ADGRL3: variants seen among roughly 807,000 people sequenced by gnomAD.
The protein encoded by ADGRL3 is adhesion G protein-coupled receptor L3.
In ADGRL3, 62 loss-of-function variants were observed where a neutral mutation model predicts 153.5. That is an observed-to-expected ratio of 0.40 (90% CI 0.33 to 0.50). The LOEUF (loss-of-function observed/expected upper bound fraction) is 0.50, where lower values mean the gene tolerates loss of function less well. Ranked by LOEUF, ADGRL3 falls within the 20% of genes least tolerant of loss-of-function variation. The pLI, the probability that ADGRL3 is intolerant of heterozygous loss-of-function variation, is 0.47. For missense variants in ADGRL3, 1,641 were observed against 1,859.4 expected (o/e 0.88, Z 2.16); for synonymous variants, 710 against 672.5 (o/e 1.06, Z -0.86).
At chr4:61,269,834 C>G (rs534786358) in intron 1 of ADGRL3, among the ~76,000 whole-genome samples, 9 of 151,628 alleles carry the variant, frequency 5.9e-5, no homozygotes, top group Non-Finnish European at 1.3e-4. Flanking sequence ...CATTAAAATA[C>G]GTAATTCAGT....
At chr4:61,982,505 C>T (rs1039385961) in intron 18 of ADGRL3, among the ~76,000 whole-genome samples, 17 of 152,028 alleles carry the variant, frequency 1.1e-4, no homozygotes, top group Non-Finnish European at 2.1e-4. Context: ...CTGATAACTT[C>T]GGTAAGTTTG....
At chr4:61,531,670 A>G (rs185409132) in intron 4 of ADGRL3, among the ~76,000 whole-genome samples, 32 of 152,300 alleles carry the variant, frequency 2.1e-4, no homozygotes, top group Non-Finnish European at 3.4e-4. Flanking sequence ...TAGATAAAAT[A>G]TAAGAAGCAA....
At chr4:61,349,541 T>C (rs1243199387) in intron 1 of ADGRL3, among the ~76,000 whole-genome samples, 1 of 152,060 alleles carries the variant, frequency 6.6e-6, no homozygotes, top group African/African-American at 2.4e-5. Flanking sequence ...TTTAAAACAG[T>C]ATCCCTTTAT....
At chr4:61,466,609 G>C (rs1377505173) in intron 2 of ADGRL3, among the ~76,000 whole-genome samples, 1 of 152,164 alleles carries the variant, frequency 6.6e-6, no homozygotes, top group Non-Finnish European at 1.5e-5. Context: ...ATTGTAAGTT[G>C]TATGAGGTCA....
intron 8 of ADGRL3, among the ~76,000 whole-genome samples, chr4:61,740,904 A>C (rs1240698393): frequency 3.3e-5 from 5 of 152,188 alleles, no homozygotes; most frequent in Non-Finnish European, 1.5e-5. Context: ...AGATGGTAGA[A>C]TCTAAACCAA....
chr4:61,912,676 T>C, intron 12 of ADGRL3, 43 bp from the exon 13 acceptor site: 3 of 1,586,166 alleles, frequency 1.9e-6, no homozygotes, highest in Non-Finnish European at 2.6e-6. Flanking sequence ...CACTAACTTG[T>C]TTTTTCTATT....
chr4:61,813,771 G>T, intron 8 of ADGRL3, 38 bp from the exon 9 acceptor site: 1 of 1,603,542 alleles, frequency 6.2e-7, no homozygotes, highest in Non-Finnish European at 8.5e-7. Flanking sequence ...AAAGACATAC[G>T]TATGATGTCT....
intron 19 of ADGRL3, among the ~76,000 whole-genome samples, chr4:61,985,993 T>C (rs774471436): frequency 6.7e-6 from 1 of 149,514 alleles, no homozygotes; most frequent in Non-Finnish European, 1.5e-5. Flanking sequence ...ATAGGTTTGT[T>C]TTTTTTTTTA....
At chr4:61,884,307 CTA>C (rs1435178851) in intron 9 of ADGRL3, among the ~76,000 whole-genome samples, 1 of 152,140 alleles carries the variant, frequency 6.6e-6, no homozygotes, top group East Asian at 1.9e-4. Flanking sequence ...CTTGTGAATG[CTA>C]TGAGATTGGG....
At chr4:61,995,259 A>C (rs570431425) in intron 19 of ADGRL3, among the ~76,000 whole-genome samples, 1 of 151,580 alleles carries the variant, frequency 6.6e-6, no homozygotes, top group South Asian at 2.1e-4. Flanking sequence ...CCTCCTTTTT[A>C]ACTGTTTTAT....
At chr4:61,758,454 G>C (rs190633226) in intron 8 of ADGRL3, among the ~76,000 whole-genome samples, 78 of 152,136 alleles carry the variant, frequency 5.1e-4, no homozygotes, top group African/African-American at 1.7e-3. Context: ...TTTCTCTTTT[G>C]ATCTTTGTTG....
intron 13 of ADGRL3, among the ~76,000 whole-genome samples, chr4:61,926,257 C>T (rs931426221): frequency 1.3e-5 from 2 of 152,110 alleles, no homozygotes; most frequent in Non-Finnish European, 2.9e-5. Flanking sequence ...ATTCAGTGCA[C>T]GACTGTATAT....
At chr4:62,039,900 T>A (rs896033691) in intron 24 of ADGRL3, among the ~76,000 whole-genome samples, 12 of 152,292 alleles carry the variant, frequency 7.9e-5, no homozygotes, top group African/African-American at 2.9e-4. Flanking sequence ...TATTGACATA[T>A]GTCATTAATA....
chr4:61,250,934 G>A lies in ADGRL3; in HGVS notation c.-240+49169G>A, dbSNP rs564956452. On this transcript the variant is annotated intron_variant, in intron 1 of 26. Coordinates refer to ENST00000683033, the MANE Select transcript of ADGRL3 (RefSeq NM_001387552.1). ...ATGAAGCCTTAACAGTATATCTGGA[G>A]CAAGAGATCATTAAAATTATTTTAT... Among the ~76,000 whole-genome samples the A allele has an allele frequency of 3.6e-4, 55 of 152,230 alleles. No homozygotes were observed. The Middle Eastern group carries it at 0.014, about 38-fold the overall frequency.
chr4:61,374,022 GT>G (rs2096573263), intron 1 of ADGRL3, among the ~76,000 whole-genome samples: 1 of 152,094 alleles, frequency 6.6e-6, no homozygotes, highest in South Asian at 2.1e-4. Flanking sequence ...CATCAAGGGG[GT>G]TAACTTTTGC....
intron 9 of ADGRL3, among the ~76,000 whole-genome samples, chr4:61,814,743 T>C (rs1192004649): frequency 6.6e-6 from 1 of 152,182 alleles, no homozygotes; most frequent in Non-Finnish European, 1.5e-5. Context: ...TCTTGCCTAA[T>C]TGATAGGTTT....
At chr4:61,613,252 C>T (rs553265353) in intron 5 of ADGRL3, among the ~76,000 whole-genome samples, 2 of 152,236 alleles carry the variant, frequency 1.3e-5, no homozygotes, top group Admixed American at 1.3e-4. Flanking sequence ...GATCTAGGGA[C>T]TCTTTGAAGC....
At chr4:62,014,208 G>T (rs1364712094) in intron 21 of ADGRL3, among the ~76,000 whole-genome samples, 1 of 152,128 alleles carries the variant, frequency 6.6e-6, no homozygotes, top group Non-Finnish European at 1.5e-5. Context: ...ATGATCTGGT[G>T]ATGGCACTTC....
intron 4 of ADGRL3, among the ~76,000 whole-genome samples, chr4:61,562,688 T>A (rs2098800113): frequency 6.6e-6 from 1 of 152,136 alleles, no homozygotes; most frequent in Non-Finnish European, 1.5e-5. Flanking sequence ...ATTCCAGCTC[T>A]CTTGCTATTC....
Sources: gnomAD v4.1 joint callset for allele counts (sites outside exome capture counted in the v4.1 genomes callset) on GRCh38, gnomAD v4.1.1 for gene constraint, MANE v1.5 for transcripts, NCBI Gene and HGNC (gene_info 2026-07-23, HGNC 2026-07-21) for gene names.